The following SLC8A3 variants were observed in gnomAD, a reference collection of about 807,000 sequenced individuals.
SLC8A3 encodes solute carrier family 8 member A3.
SLC8A3 carries 37 observed loss-of-function variants against 65.4 expected under a neutral mutation model. The ratio of observed to expected loss-of-function variants is 0.57; its 90% CI spans 0.44 to 0.74. The LOEUF (loss-of-function observed/expected upper bound fraction) is 0.74, where lower values mean the gene tolerates loss of function less well. Among genes scored for constraint, SLC8A3 ranks in the 30% least tolerant of loss-of-function variants. SLC8A3 has a pLI of 0.00. For missense variants in SLC8A3, 1,112 were observed against 1,172.1 expected, an observed-to-expected ratio of 0.95 and a Z score of 0.75; for synonymous variants, 461 against 444.5, an observed-to-expected ratio of 1.04 and a Z score of -0.47.
chr14:70,151,005 C>T (rs1015361704), intron 2 of SLC8A3, among the ~76,000 whole-genome samples: 2 of 152,100 alleles, frequency 1.3e-5, no homozygotes, highest in South Asian at 2.1e-4. Context: ...CTGTAATCCC[C>T]GCACTTTGAG....
At chr14:70,185,384 C>T (rs1237258105) in intron 1 of SLC8A3, among the ~76,000 whole-genome samples, 1 of 152,232 alleles carries the variant, frequency 6.6e-6, no homozygotes, top group Non-Finnish European at 1.5e-5. Flanking sequence ...AACATGCCTA[C>T]TATCAGTGCC....
chr14:70,063,466 C>T (rs1344504035), intron 2 of SLC8A3, among the ~76,000 whole-genome samples: 1 of 152,210 alleles, frequency 6.6e-6, no homozygotes, highest in African/African-American at 2.4e-5. Flanking sequence ...CTTTTCCCCC[C>T]TTTATGCCCA....
chr14:70,178,098 G>A (rs1445411287), intron 1 of SLC8A3, among the ~76,000 whole-genome samples: 1 of 152,176 alleles, frequency 6.6e-6, no homozygotes, highest in Non-Finnish European at 1.5e-5. Flanking sequence ...ACCACATCAG[G>A]CCCCTTCCTC....
At chr14:70,085,450 A>G (rs1401807786) in intron 2 of SLC8A3, among the ~76,000 whole-genome samples, 5 of 152,144 alleles carry the variant, frequency 3.3e-5, no homozygotes, top group African/African-American at 9.7e-5. Context: ...TTGCAGTTCA[A>G]TCTGGTAACT....
intron 2 of SLC8A3, among the ~76,000 whole-genome samples, chr14:70,141,770 G>A (rs10444731): frequency 0.15 from 23,446 of 152,174 alleles, 1,932 homozygotes; most frequent in African/African-American, 0.19. Flanking sequence ...AATGTATACT[G>A]GAAGCTAAAT....
intron 2 of SLC8A3, among the ~76,000 whole-genome samples, chr14:70,078,790 T>C (rs921189470): frequency 2.6e-5 from 4 of 152,222 alleles, no homozygotes; most frequent in African/African-American, 4.8e-5. Flanking sequence ...CTCACTTGTA[T>C]GGCTATTAGA....
chr14:70,124,276 C>T (rs915767547), intron 2 of SLC8A3, among the ~76,000 whole-genome samples: 2 of 152,204 alleles, frequency 1.3e-5, no homozygotes, highest in Non-Finnish European at 2.9e-5. Context: ...ATAATGTCTG[C>T]TCTAAATCCA....
At chr14:70,058,087 A>G (rs1224906204) in intron 3 of SLC8A3, among the ~76,000 whole-genome samples, 1 of 152,046 alleles carries the variant, frequency 6.6e-6, no homozygotes, top group Non-Finnish European at 1.5e-5. Context: ...AGAGCTTTTA[A>G]TCTCAACTCT....
At chr14:70,142,647 A>T (rs1895653657) in intron 2 of SLC8A3, among the ~76,000 whole-genome samples, 1 of 152,200 alleles carries the variant, frequency 6.6e-6, no homozygotes, top group African/African-American at 2.4e-5. Context: ...CCTTTTGATG[A>T]TTGCACTAGA....
intron 2 of SLC8A3, among the ~76,000 whole-genome samples, chr14:70,086,844 A>G (rs923836539): frequency 6.6e-6 from 1 of 152,202 alleles, no homozygotes; most frequent in Non-Finnish European, 1.5e-5. Flanking sequence ...CAGACATGCC[A>G]AGCCTTCTGC....
chr14:70,105,899 G>A (rs928772016), intron 2 of SLC8A3, among the ~76,000 whole-genome samples: 4 of 151,360 alleles, frequency 2.6e-5, no homozygotes, highest in Non-Finnish European at 5.9e-5. Context: ...CGATGACCAA[G>A]TAGGATTTAT....
intron 2 of SLC8A3, among the ~76,000 whole-genome samples, chr14:70,063,386 C>A (rs537833811): frequency 9.2e-5 from 14 of 152,262 alleles, no homozygotes; most frequent in African/African-American, 3.1e-4. Context: ...AATAACTGCC[C>A]CATGGAAATT....
At chr14:70,100,260 G>A (rs1566779733) in intron 2 of SLC8A3, among the ~76,000 whole-genome samples, 1 of 152,184 alleles carries the variant, frequency 6.6e-6, no homozygotes, top group Non-Finnish European at 1.5e-5. Flanking sequence ...ACTCAACTTT[G>A]TGTGGTCAGA....
intron 2 of SLC8A3, among the ~76,000 whole-genome samples, chr14:70,146,714 T>C (rs915738943): frequency 4.6e-5 from 7 of 152,206 alleles, no homozygotes; most frequent in Admixed American, 4.6e-4. Context: ...TAAGCCAGTG[T>C]CCTTTTTGCA....
intron 2 of SLC8A3, among the ~76,000 whole-genome samples, chr14:70,061,799 C>A (rs1594912010): frequency 1.3e-5 from 2 of 152,122 alleles, no homozygotes; most frequent in East Asian, 3.9e-4. Context: ...GTGATGTGTT[C>A]CAAAACTGGT....
At chr14:70,079,330 C>CAAAAAAA (rs11464342) in intron 2 of SLC8A3, among the ~76,000 whole-genome samples, 11 of 80,928 alleles carry the variant, frequency 1.4e-4, no homozygotes, top group Non-Finnish European at 1.7e-4. Flanking sequence ...CTAAAAAATA[C>CAAAAAAA]AAAAAAAAAA....
intron 1 of SLC8A3, among the ~76,000 whole-genome samples, chr14:70,178,195 C>A (rs907843990): frequency 5.3e-5 from 8 of 152,226 alleles, no homozygotes; most frequent in Admixed American, 4.6e-4. Context: ...AACCATCCAA[C>A]TTAGATATCT....
rs1886837936 is a variant in SLC8A3, at chr14:70,046,737, C to T, written c.2390-414G>A. Reference sequence around the variant, plus strand: ...TCATATGGGGCATTTATTCACGAACCACCAACAGTTATTGAGCAATGCCTA... The same window carrying T: ...TCATATGGGGCATTTATTCACGAACTACCAACAGTTATTGAGCAATGCCTA... On this transcript the variant is annotated intron_variant, in intron 6 of 6. Coordinates refer to ENST00000356921, the MANE Select transcript of SLC8A3 (RefSeq NM_182932.3). This position sits in a 1 kb window ranked among gnomAD's most constrained non-coding sequence, Gnocchi z 4.2. 6.1e-6 allele frequency: 1 copy of T among 165,280 alleles called. No individual in the cohort carries two copies. Among genetic ancestry groups the T allele is most frequent in the Admixed American group, 5.7e-5 (1 of 17,430 alleles). The allele number at this position is 165,280 out of a possible 1,614,324, so 10.2% of individuals were successfully genotyped here.
intron 2 of SLC8A3, among the ~76,000 whole-genome samples, chr14:70,075,973 T>C (rs938049591): frequency 6.6e-6 from 1 of 152,144 alleles, no homozygotes; most frequent in Admixed American, 6.5e-5. Context: ...CCAGGTAACA[T>C]TGATGCTGCT....
Sources: allele counts gnomAD v4.1 joint callset (sites outside exome capture counted in the v4.1 genomes callset), GRCh38; gene constraint gnomAD v4.1.1; non-coding constraint Gnocchi (gnomAD v3.1); transcripts MANE v1.5; gene names NCBI Gene and HGNC (gene_info 2026-07-23, HGNC 2026-07-21).